AOPEP: variants seen among roughly 807,000 people sequenced by gnomAD.
AOPEP encodes aminopeptidase O.
In AOPEP, 77 loss-of-function variants were observed where a neutral mutation model predicts 98.1. The observed-to-expected ratio is 0.78, with a 90% CI of 0.65 to 0.95. The LOEUF is 0.95. AOPEP is among the 40% of genes least tolerant of loss of function. AOPEP has a pLI of 0.00. For missense variants in AOPEP, 1,024 were observed against 1,024.7 expected, an observed-to-expected ratio of 1.00 and a Z score of 0.01; for synonymous variants, 346 against 365.3, an observed-to-expected ratio of 0.95 and a Z score of 0.60.
intron 14 of AOPEP, among the ~76,000 whole-genome samples, chr9:95,064,757 T>C (rs1403188894): frequency 3.3e-5 from 5 of 151,078 alleles, no homozygotes; most frequent in Non-Finnish European, 7.4e-5. Flanking sequence ...AGCAACACAA[T>C]CATGTGACAG....
At chr9:95,053,924 A>G (rs2066606164) in intron 13 of AOPEP, among the ~76,000 whole-genome samples, 1 of 152,182 alleles carries the variant, frequency 6.6e-6, no homozygotes, top group Non-Finnish European at 1.5e-5. Flanking sequence ...TGTGTTGCTC[A>G]GGCTGGTCTG....
At chr9:94,775,409 C>T (rs1157542303) in intron 3 of AOPEP, among the ~76,000 whole-genome samples, 5 of 149,008 alleles carry the variant, frequency 3.4e-5, no homozygotes, top group East Asian at 3.9e-4. Context: ...CTTGCTCTGT[C>T]GCCAGGCTGG....
chr9:94,733,503 G>A (rs541547746), intron 1 of AOPEP, among the ~76,000 whole-genome samples: 1 of 152,222 alleles, frequency 6.6e-6, no homozygotes, highest in Non-Finnish European at 1.5e-5. Context: ...ACCAGCTCAT[G>A]GCAAGCACTT....
intron 5 of AOPEP, among the ~76,000 whole-genome samples, chr9:94,908,489 G>A (rs1373327831): frequency 1.3e-5 from 2 of 152,216 alleles, no homozygotes; most frequent in Non-Finnish European, 2.9e-5. Flanking sequence ...AAGTGGGGAA[G>A]GGAAAAGGGA....
At chr9:95,111,488 C>T in the AOPEP span, 1 of 1,613,858 alleles carries the variant, frequency 6.2e-7, no homozygotes, top group Non-Finnish European at 8.5e-7. Flanking sequence ...CTGCTGCCTC[C>T]CATCACGGGG....
intron 13 of AOPEP, 70 bp downstream of exon 13, chr9:95,005,686 C>A: frequency 1.6e-6 from 2 of 1,216,340 alleles, no homozygotes; most frequent in South Asian, 1.2e-5. Flanking sequence ...AGGACCTGGT[C>A]ATGACAATAG....
At chr9:95,140,632 T>C in the AOPEP span, among the ~76,000 whole-genome samples, 504 of 152,144 alleles carry the variant, frequency 3.3e-3, 9 homozygotes, top group East Asian at 0.043. Flanking sequence ...AAAGGTGCAC[T>C]GGCAACAGTC....
chr9:94,846,017 C>A (rs939580395), intron 5 of AOPEP, among the ~76,000 whole-genome samples: 3 of 151,800 alleles, frequency 2.0e-5, no homozygotes, highest in African/African-American at 7.3e-5. Flanking sequence ...ATCACATGAA[C>A]CTGGGAGGTG....
chr9:94,982,218 T>C (rs1415035217), intron 11 of AOPEP, among the ~76,000 whole-genome samples: 1 of 152,200 alleles, frequency 6.6e-6, no homozygotes, highest in Non-Finnish European at 1.5e-5. Context: ...AGACAATTTT[T>C]TATGTACATC....
Position 94,759,738 on chromosome 9 carries a change from A to G in AOPEP, c.-46A>G, listed in dbSNP as rs1187915875. On this transcript the variant is annotated 5_prime_UTR_variant, in exon 2 of 17. Coordinates refer to ENST00000375315, the MANE Select transcript of AOPEP (RefSeq NM_001193329.3). ...TCTGGAAGATTAAGGCAGATAGGAA[A>G]CCCCATCTGAGATTTTAATAAATCC... The G allele has an allele frequency of 2.1e-6, 3 of 1,428,482 alleles. No individual in the cohort carries two copies. The highest frequency in any genetic ancestry group is 2.9e-6 in the Non-Finnish European group (3 of 1,038,402). 88.5% of individuals were successfully genotyped at this position (1,428,482 alleles called of 1,614,324 possible). A position where few individuals can be genotyped will look rare whatever the true frequency, so the allele number is the denominator to read the frequency against.
chr9:94,729,628 C>T (rs539802435), intron 1 of AOPEP, among the ~76,000 whole-genome samples: 2 of 151,636 alleles, frequency 1.3e-5, no homozygotes, highest in East Asian at 1.9e-4. Flanking sequence ...GGAGTCTCTA[C>T]TTCTGAAACA....
intron 2 of AOPEP, among the ~76,000 whole-genome samples, chr9:94,771,435 C>T (rs1840848404): frequency 6.6e-6 from 1 of 152,140 alleles, no homozygotes; most frequent in African/African-American, 2.4e-5. Context: ...TTCCCTGCCC[C>T]ATGTCAAACC....
the AOPEP span, among the ~76,000 whole-genome samples, chr9:95,113,309 A>T: frequency 6.6e-6 from 1 of 152,256 alleles, no homozygotes; most frequent in African/African-American, 2.4e-5. Flanking sequence ...GAGACTACAG[A>T]GAATTCCAGG....
chr9:95,076,555 A>G (rs73528441), intron 14 of AOPEP, among the ~76,000 whole-genome samples: 1,814 of 152,346 alleles, frequency 0.012, 33 homozygotes, highest in African/African-American at 0.041. Flanking sequence ...ATCGTAAGTC[A>G]AGATATCCTA....
rs979313265 is a variant in AOPEP, at chr9:94,930,216, T to C, written c.1661+1685T>C. On this transcript the variant is annotated intron_variant, in intron 7 of 16. Coordinates refer to ENST00000375315, the MANE Select transcript of AOPEP (RefSeq NM_001193329.3). The surrounding 1 kb of genome is among the most constrained non-coding windows in gnomAD (Gnocchi z 4.5). ...ATGCAAGACGCAGACCTATTTGAAATGTGTTTTGGCTGTGGAACGGGCAGG... is the reference window on the plus strand; with the variant it reads ...ATGCAAGACGCAGACCTATTTGAAACGTGTTTTGGCTGTGGAACGGGCAGG... 2.0e-5 allele frequency among the ~76,000 whole-genome samples: 3 copies of C among 152,180 alleles called. No homozygotes were observed. The highest frequency in any genetic ancestry group is 7.2e-5 in the African/African-American group (3 of 41,440).
At chr9:94,872,672 T>G (rs1270392142) in intron 5 of AOPEP, among the ~76,000 whole-genome samples, 1 of 152,226 alleles carries the variant, frequency 6.6e-6, no homozygotes, top group African/African-American at 2.4e-5. Flanking sequence ...GTGTGCACCA[T>G]CCTGCTCAGT....
At chr9:94,801,638 GTATT>G (rs1348837145) in intron 5 of AOPEP, among the ~76,000 whole-genome samples, 1 of 152,188 alleles carries the variant, frequency 6.6e-6, no homozygotes, top group Non-Finnish European at 1.5e-5. Context: ...TTGGTTCCCT[GTATT>G]TATTTAAGCT....
At chr9:95,068,357 C>T (rs1207739505) in intron 14 of AOPEP, among the ~76,000 whole-genome samples, 1 of 152,170 alleles carries the variant, frequency 6.6e-6, no homozygotes, top group African/African-American at 2.4e-5. Flanking sequence ...TTTAGCCATC[C>T]TGTTGGATGT....
chr9:94,771,338 C>T (rs1048686322), intron 2 of AOPEP, among the ~76,000 whole-genome samples: 6 of 152,266 alleles, frequency 3.9e-5, no homozygotes, highest in Admixed American at 2.0e-4. Flanking sequence ...CCATTTCACC[C>T]GTGACTCAGA....
Sources: allele counts gnomAD v4.1 joint callset (sites outside exome capture counted in the v4.1 genomes callset), GRCh38; gene constraint gnomAD v4.1.1; non-coding constraint Gnocchi (gnomAD v3.1); transcripts MANE v1.5; gene names NCBI Gene and HGNC (gene_info 2026-07-23, HGNC 2026-07-21).